The following PRKAG2 variants were observed in gnomAD, a reference collection of about 807,000 sequenced individuals.
PRKAG2 encodes 5'-AMP-activated protein kinase subunit gamma-2.
PRKAG2 carries 26 observed loss-of-function variants against 69.6 expected under a neutral mutation model. The observed-to-expected ratio is 0.37, with a 90% CI of 0.27 to 0.52. The LOEUF (loss-of-function observed/expected upper bound fraction) is 0.52. PRKAG2 is among the 20% of genes least tolerant of loss of function. The probability of loss-of-function intolerance (pLI) is 0.90; values close to 1 mark genes in which losing one functional copy is unlikely to be tolerated. For synonymous variants in PRKAG2, 293 were observed against 285.0 expected (o/e 1.03, Z -0.28); for missense variants, 557 against 740.0 (o/e 0.75, Z 2.87).
In PRKAG2 at chr7:151,824,971, C is replaced by T. The variant is rs377343112; in HGVS notation, c.115-38430G>A. On this transcript the variant is annotated intron_variant, in intron 1 of 15. Coordinates refer to ENST00000287878, the MANE Select transcript of PRKAG2 (RefSeq NM_016203.4). The stretch of plus-strand genomic sequence containing the variant: ...GCTCATGCCTGCAGCCCTAGCACTT[C>T]GGGAGACTGAGGCGGGCGGATCACG... Among the ~76,000 whole-genome samples the T allele has an allele frequency of 5.3e-5, 8 of 152,296 alleles. No individual in the cohort carries two copies. In the East Asian group the frequency reaches 1.3e-3, roughly 26 times the overall value.
intron 4 of PRKAG2, among the ~76,000 whole-genome samples, chr7:151,672,580 G>A (rs1046073991): frequency 3.4e-5 from 5 of 149,222 alleles, no homozygotes; most frequent in African/African-American, 1.2e-4. Context: ...TCTACATTCC[G>A]TCTCTATTTG....
intron 1 of PRKAG2, among the ~76,000 whole-genome samples, chr7:151,812,880 C>A (rs11773011): frequency 6.6e-6 from 1 of 151,600 alleles, no homozygotes; most frequent in Non-Finnish European, 1.5e-5. Flanking sequence ...AACCACTGAA[C>A]CCTCAGTTTC....
At chr7:151,723,498 C>T (rs570362145) in intron 3 of PRKAG2, among the ~76,000 whole-genome samples, 9 of 152,232 alleles carry the variant, frequency 5.9e-5, no homozygotes, top group African/African-American at 9.6e-5. Context: ...CCCTAGGTCA[C>T]GCGGCCCACC....
intron 14 of PRKAG2, among the ~76,000 whole-genome samples, chr7:151,563,746 ATTTATT>A (rs1452132396): frequency 6.6e-6 from 1 of 152,134 alleles, no homozygotes; most frequent in Admixed American, 6.5e-5. Context: ...TGCCCAGCTA[ATTTATT>A]TTTATTTTTA....
rs147753132 is a variant in PRKAG2, at chr7:151,618,618, A to G, written c.754+13451T>C. Among the ~76,000 whole-genome samples, 331 of 151,984 alleles carry G rather than the reference A, an allele frequency of 2.2e-3. 1 individual carries two copies. The highest frequency in any genetic ancestry group is 7.5e-3 in the African/African-American group (313 of 41,458). On this transcript the variant is annotated intron_variant, in intron 5 of 15. Transcript: ENST00000287878. ...CGTCTCTACTAAAAATACAAAAATC[A>G]GCCAGGCATGGTGGTGGGCACCTGT...
chr7:151,636,412 A>T (rs1825745918), intron 4 of PRKAG2, among the ~76,000 whole-genome samples: 1 of 152,156 alleles, frequency 6.6e-6, no homozygotes, highest in Non-Finnish European at 1.5e-5. Flanking sequence ...ATCATACAAT[A>T]GGTGGTCTTT....
intron 6 of PRKAG2, among the ~76,000 whole-genome samples, chr7:151,585,287 C>T (rs558036178): frequency 2.0e-5 from 3 of 152,284 alleles, no homozygotes; most frequent in Admixed American, 2.0e-4. Context: ...CATTCCCACG[C>T]ATCTTTTCTT....
Position 151,836,545 on chromosome 7 carries a change from G to A in PRKAG2, c.114+39962C>T, listed in dbSNP as rs1490859882. Among the ~76,000 whole-genome samples the A allele has an allele frequency of 6.6e-6, 1 of 152,236 alleles. No homozygotes were observed. Among genetic ancestry groups the A allele is most frequent in the African/African-American group, 2.4e-5 (1 of 41,462 alleles). ...CCATCGCTGGCTCCTCTGCCTCCAG[G>A]GGATCAGAACTTGCCCCCTTCCCAG... On this transcript the variant is annotated intron_variant, in intron 1 of 15. Coordinates refer to ENST00000287878, the MANE Select transcript of PRKAG2 (RefSeq NM_016203.4). The surrounding 1 kb of genome is among the most constrained non-coding windows in gnomAD (Gnocchi z 4.1).
chr7:151,632,089 T>TTC lies in PRKAG2; in HGVS notation c.732_733dup (p.Lys245ArgfsTer10). ...CTCACCTTCGTCCTCGAACTCCAGCTTCTCCAGCATGCCGGCTTCCGCGGG... is the reference window on the plus strand; with the variant it reads ...CTCACCTTCGTCCTCGAACTCCAGCTTCTCTCCAGCATGCCGGCTTCCGCGGG... On this transcript the variant is annotated frameshift_variant, in exon 5 of 16. Coordinates refer to ENST00000287878, the MANE Select transcript of PRKAG2 (RefSeq NM_016203.4). LOFTEE classifies it high-confidence loss of function. This position sits in a 1 kb window ranked among gnomAD's most constrained non-coding sequence, Gnocchi z 4.2. The TTC allele has an allele frequency of 3.5e-6, 5 of 1,415,298 alleles. No homozygotes were observed. Among genetic ancestry groups the TTC allele is most frequent in the Non-Finnish European group, 4.7e-6 (5 of 1,070,420 alleles). 87.7% of individuals were successfully genotyped at this position (1,415,298 alleles called of 1,614,324 possible).
intron 1 of PRKAG2, among the ~76,000 whole-genome samples, chr7:151,842,217 G>A (rs1423466888): frequency 7.7e-6 from 1 of 129,438 alleles, no homozygotes; most frequent in Non-Finnish European, 1.7e-5. Flanking sequence ...GGTAGTGATG[G>A]TAGGTAGTGA....
chr7:151,622,068 C>G (rs1821649852), intron 5 of PRKAG2, among the ~76,000 whole-genome samples: 1 of 152,198 alleles, frequency 6.6e-6, no homozygotes, highest in South Asian at 2.1e-4. Context: ...GTTGATTTCA[C>G]TGATCTATGT....
At chr7:151,735,464 A>G (rs115241520) in intron 3 of PRKAG2, among the ~76,000 whole-genome samples, 2,793 of 152,166 alleles carry the variant, frequency 0.018, 89 homozygotes, top group African/African-American at 0.064. Context: ...ACATTAGCCC[A>G]CGATCTGTCA....
In PRKAG2 at chr7:151,807,207, A is replaced by G. The variant is rs540998865; in HGVS notation, c.115-20666T>C. On this transcript the variant is annotated intron_variant, in intron 1 of 15. Transcript: ENST00000287878. The surrounding 1 kb of genome is among the most constrained non-coding windows in gnomAD (Gnocchi z 4.4). ...CCCATCTAATTGTATACTGTCAGTC[A>G]AAGGGCATTATATGTAAATCACACC... 6.6e-6 allele frequency among the ~76,000 whole-genome samples: 1 copy of G among 152,324 alleles called. No individual in the cohort carries two copies. The highest frequency in any genetic ancestry group is 1.9e-4 in the East Asian group (1 of 5,178).
chr7:151,632,199 G>T lies in PRKAG2; in HGVS notation c.685-61C>A. 8.4e-7 allele frequency: 1 copy of T among 1,184,014 alleles called. No homozygotes were observed. Among genetic ancestry groups the T allele is most frequent in the Non-Finnish European group, 1.0e-6 (1 of 953,350 alleles). The allele number at this position is 1,184,014 out of a possible 1,614,324, so 73.3% of individuals were successfully genotyped here. On this transcript the variant is annotated intron_variant, in intron 4 of 15. Transcript: ENST00000287878. This position sits in a 1 kb window ranked among gnomAD's most constrained non-coding sequence, Gnocchi z 4.2. The stretch of plus-strand genomic sequence containing the variant: ...CTGCGACGCTCGTCCCCGGCCGGCG[G>T]GCTCGCGGCCGGCCGAGCGCTGGGG...
intron 3 of PRKAG2, among the ~76,000 whole-genome samples, chr7:151,761,600 A>G (rs1274906020): frequency 6.6e-6 from 1 of 152,170 alleles, no homozygotes; most frequent in African/African-American, 2.4e-5. Flanking sequence ...CAAACTATCC[A>G]TGAAAACTGC....
chr7:151,644,176 A>G (rs1046767961), intron 4 of PRKAG2, among the ~76,000 whole-genome samples: 1 of 152,176 alleles, frequency 6.6e-6, no homozygotes, highest in Non-Finnish European at 1.5e-5. Flanking sequence ...ACAAATCTCC[A>G]CTAAATAACT....
intron 5 of PRKAG2, among the ~76,000 whole-genome samples, chr7:151,628,732 A>T (rs550165730): frequency 7.3e-6 from 1 of 136,898 alleles, no homozygotes; most frequent in South Asian, 2.2e-4. Context: ...TGCTATGGGC[A>T]AGGCTTCTCA....
At chr7:151,573,361 T>G (rs1808151876) in intron 8 of PRKAG2, among the ~76,000 whole-genome samples, 1 of 74,374 alleles carries the variant, frequency 1.3e-5, no homozygotes, top group Non-Finnish European at 2.5e-5. Context: ...TTTTTTTTTT[T>G]GTAGAGATGG....
chr7:151,772,880 G>A (rs940504888), intron 3 of PRKAG2, among the ~76,000 whole-genome samples: 7 of 151,640 alleles, frequency 4.6e-5, no homozygotes, highest in South Asian at 2.1e-4. Flanking sequence ...CACCTATTGC[G>A]GGCAAAGGGC....
Sources: allele counts gnomAD v4.1 joint callset (sites outside exome capture counted in the v4.1 genomes callset), GRCh38; gene constraint gnomAD v4.1.1; non-coding constraint Gnocchi (gnomAD v3.1); transcripts MANE v1.5; gene names NCBI Gene and HGNC (gene_info 2026-07-23, HGNC 2026-07-21).